The following DAB2IP variants were observed in gnomAD, a reference collection of about 807,000 sequenced individuals.
DAB2IP encodes DAB2 interacting protein.
Under a neutral mutation model 107.2 loss-of-function variants are expected in DAB2IP, and 28 were observed. The ratio of observed to expected loss-of-function variants is 0.26; its 90% CI spans 0.19 to 0.36. The LOEUF (loss-of-function observed/expected upper bound fraction) is 0.36, where lower values mean the gene tolerates loss of function less well. Among genes scored for constraint, DAB2IP ranks in the 10% least tolerant of loss-of-function variants. DAB2IP has a pLI of 1.00. For missense variants in DAB2IP, 1,400 were observed against 1,644.7 expected (o/e 0.85, Z 2.57); for synonymous variants, 755 against 706.4 (o/e 1.07, Z -1.09).
intron 1 of DAB2IP, among the ~76,000 whole-genome samples, chr9:121,571,902 G>A (rs1226340960): frequency 1.3e-5 from 2 of 152,086 alleles, no homozygotes; most frequent in Non-Finnish European, 1.5e-5. Context: ...TGAGGAGAAG[G>A]GGAGAGCTCG....
chr9:121,658,225 A>G (rs1054363569), intron 1 of DAB2IP, among the ~76,000 whole-genome samples: 2 of 152,214 alleles, frequency 1.3e-5, no homozygotes, highest in African/African-American at 4.8e-5. Flanking sequence ...GAGAAAGGCA[A>G]TGGCTGTGAT....
At chr9:121,625,985 T>A (rs1195481448) in intron 1 of DAB2IP, among the ~76,000 whole-genome samples, 1 of 152,102 alleles carries the variant, frequency 6.6e-6, no homozygotes, top group African/African-American at 2.4e-5. Flanking sequence ...TGGCTCACAT[T>A]GGCATTTGCG....
At chr9:121,729,631 C>T (rs978293028) in intron 3 of DAB2IP, among the ~76,000 whole-genome samples, 6 of 152,214 alleles carry the variant, frequency 3.9e-5, no homozygotes, top group African/African-American at 1.4e-4. Context: ...GACTCTAGCA[C>T]ACCATTAATT....
chr9:121,602,390 G>A (rs1319880905), intron 1 of DAB2IP, among the ~76,000 whole-genome samples: 4 of 151,930 alleles, frequency 2.6e-5, no homozygotes, highest in South Asian at 2.1e-4. Context: ...CGAGGCCCTC[G>A]TGCTCAGGTT....
At chr9:121,581,558 C>T (rs1830194882) in intron 1 of DAB2IP, among the ~76,000 whole-genome samples, 1 of 152,192 alleles carries the variant, frequency 6.6e-6, no homozygotes, top group African/African-American at 2.4e-5. Flanking sequence ...AACTGAGGCA[C>T]ACAGAGATTT....
At chr9:121,578,246 C>G (rs1037658971) in intron 1 of DAB2IP, among the ~76,000 whole-genome samples, 1 of 152,074 alleles carries the variant, frequency 6.6e-6, no homozygotes, top group Admixed American at 6.5e-5. Flanking sequence ...TTCTGTCTCT[C>G]TATCTCTGTT....
intron 3 of DAB2IP, among the ~76,000 whole-genome samples, chr9:121,718,892 C>G (rs528809762): frequency 1.8e-4 from 27 of 152,218 alleles, no homozygotes; most frequent in Non-Finnish European, 3.7e-4. Context: ...TCTGCTCCCC[C>G]TCCCCCAGTC....
At chr9:121,761,595 CT>C (rs1231694439) in intron 6 of DAB2IP, among the ~76,000 whole-genome samples, 2 of 152,236 alleles carry the variant, frequency 1.3e-5, no homozygotes, top group Non-Finnish European at 2.9e-5. Context: ...CCCTCTTGCA[CT>C]TGCTGTATGC....
rs1483664751 is a variant in DAB2IP, at chr9:121,776,464, T to G, written c.3314+73T>G. On this transcript the variant is annotated intron_variant, in intron 14 of 15. Coordinates refer to ENST00000408936, the Ensembl canonical transcript of DAB2IP. The surrounding 1 kb of genome is among the most constrained non-coding windows in gnomAD (Gnocchi z 5.4). ...CCATCGCTGCCTTCGAGGAGGCCCC[T>G]GGTCGGGGAGCCTCCTCAAAGGATA... The G allele has an allele frequency of 2.1e-6, 3 of 1,418,290 alleles. No homozygotes were observed. The highest frequency in any genetic ancestry group is 2.8e-6 in the Non-Finnish European group (3 of 1,070,312). 87.9% of individuals were successfully genotyped at this position (1,418,290 alleles called of 1,614,324 possible).
intron 3 of DAB2IP, among the ~76,000 whole-genome samples, chr9:121,711,784 G>A (rs934707935): frequency 2.2e-4 from 34 of 152,186 alleles, no homozygotes; most frequent in African/African-American, 7.7e-4. Flanking sequence ...GATGGGGCCT[G>A]GCTCTGGTCA....
intron 1 of DAB2IP, among the ~76,000 whole-genome samples, chr9:121,675,937 C>T (rs1402789645): frequency 1.3e-5 from 2 of 152,138 alleles, no homozygotes; most frequent in African/African-American, 4.8e-5. Flanking sequence ...GAGTGGTTAT[C>T]CCCTGACTGT....
In DAB2IP at chr9:121,599,338, C is replaced by T. The variant is rs1830610932; in HGVS notation, c.40+32110C>T. ...GGCACCAGGCTGGGGAGCGTGTGCT[C>T]GGAGCGGAGGGCCTCGGCTCTGCCC... On this transcript the variant is annotated intron_variant, in intron 1 of 16. Transcript: ENST00000259371. The surrounding 1 kb of genome is among the most constrained non-coding windows in gnomAD (Gnocchi z 6.9). Among the ~76,000 whole-genome samples the T allele has an allele frequency of 6.6e-6, 1 of 152,134 alleles. No individual in the cohort carries two copies. Among genetic ancestry groups the T allele is most frequent in the Non-Finnish European group, 1.5e-5 (1 of 68,010 alleles).
At chr9:121,777,657 G>C (rs1835301168) in intron 14 of DAB2IP, among the ~76,000 whole-genome samples, 1 of 152,094 alleles carries the variant, frequency 6.6e-6, no homozygotes, top group Non-Finnish European at 1.5e-5. Context: ...TATCCTTACT[G>C]GCTTTTCTAT....
At chr9:121,763,622 G>A in exon 7 of DAB2IP, 1 of 1,613,654 alleles carries the variant, frequency 6.2e-7, no homozygotes, top group Non-Finnish European at 8.5e-7. Flanking sequence ...CAAGCTAGTG[G>A]GCCAGAAGTA....
intron 2 of DAB2IP, among the ~76,000 whole-genome samples, chr9:121,697,666 TG>T (rs1207219004): frequency 2.0e-5 from 3 of 152,174 alleles, no homozygotes; most frequent in African/African-American, 7.2e-5. Context: ...AATACCCTGA[TG>T]GATAATTCCA....
At chr9:121,584,863 T>C (rs1470017381) in intron 1 of DAB2IP, among the ~76,000 whole-genome samples, 1 of 152,150 alleles carries the variant, frequency 6.6e-6, no homozygotes, top group African/African-American at 2.4e-5. Context: ...TTCCCAGCTT[T>C]GGACAAGGCA....
chr9:121,772,770 A>G lies in DAB2IP; in HGVS notation c.2242A>G (p.Met748Val), dbSNP rs1834858666. 2 of 1,613,632 alleles carry G rather than the reference A, an allele frequency of 1.2e-6. No individual in the cohort carries two copies. The highest frequency in any genetic ancestry group is 1.1e-5 in the South Asian group (1 of 91,082). The stretch of plus-strand genomic sequence containing the variant: ...GGCCAACGGTGGCAAGAGCCTCTCC[A>G]TGGTGGACCTCCAGGACGCCCGCAC... Residue 748 changes from methionine (M) to valine (V), a missense_variant, in exon 12 of 16, where the codon ATG (methionine) becomes GTG (valine). Physicochemically the swap from Met to Val is conservative, Grantham distance 21. Coordinates refer to ENST00000408936, the Ensembl canonical transcript of DAB2IP. This position sits in a 1 kb window ranked among gnomAD's most constrained non-coding sequence, Gnocchi z 4.7.
chr9:121,751,805 A>C (rs1833138554), intron 3 of DAB2IP: 1 of 401,838 alleles, frequency 2.5e-6, no homozygotes, highest in African/African-American at 2.2e-5. Flanking sequence ...AGACAGGAGA[A>C]GGCCAGTGGA....
chr9:121,637,108 A>T (rs1161685018), intron 1 of DAB2IP, among the ~76,000 whole-genome samples: 1 of 152,194 alleles, frequency 6.6e-6, no homozygotes, highest in East Asian at 1.9e-4. Flanking sequence ...TTCCAGTAAG[A>T]CTTTCCCCCA....
Sources: gnomAD v4.1 joint callset for allele counts (sites outside exome capture counted in the v4.1 genomes callset) on GRCh38, gnomAD v4.1.1 for gene constraint, Gnocchi (gnomAD v3.1) non-coding constraint, MANE v1.5 for transcripts, NCBI Gene and HGNC (gene_info 2026-07-23, HGNC 2026-07-21) for gene names.